The following NYAP2 variants were observed in gnomAD, a reference collection of about 807,000 sequenced individuals.
NYAP2 encodes the protein neuronal tyrosine-phosphorylated phosphoinositide-3-kinase adaptor 2.
Under a neutral mutation model 50.4 loss-of-function variants are expected in NYAP2, and 23 were observed. That is an observed-to-expected ratio of 0.46 (90% CI 0.33 to 0.65). The LOEUF is 0.65. Ranked by LOEUF, NYAP2 falls within the 30% of genes least tolerant of loss-of-function variation. The pLI is 0.02. For missense variants in NYAP2, 885 were observed against 861.0 expected (o/e 1.03, Z -0.35); for synonymous variants, 394 against 365.2 (o/e 1.08, Z -0.90).
intron 4 of NYAP2, among the ~76,000 whole-genome samples, chr2:225,556,070 C>T (rs866209323): frequency 2.0e-5 from 3 of 152,090 alleles, no homozygotes; most frequent in Non-Finnish European, 4.4e-5. Context: ...TCTATGAAGG[C>T]AGGAGTCTTT....
At chr2:225,550,757 A>G (rs1296519901) in intron 4 of NYAP2, among the ~76,000 whole-genome samples, 2 of 152,208 alleles carry the variant, frequency 1.3e-5, no homozygotes, top group Non-Finnish European at 2.9e-5. Flanking sequence ...AAAGCCCCTG[A>G]TAAGCTGTCA....
chr2:225,429,938 A>G lies in NYAP2; in HGVS notation c.221+20837A>G, dbSNP rs1234209096. Among the ~76,000 whole-genome samples, 3 of 152,308 alleles carry G rather than the reference A, an allele frequency of 2.0e-5. No homozygotes were observed. In the South Asian group the frequency reaches 6.2e-4, roughly 32 times the overall value. On this transcript the variant is annotated intron_variant, in intron 3 of 6. Transcript: ENST00000636099. Reference sequence around the variant, plus strand: ...AAGAGCTTCACGGGCTCTTAAGCAGACACACACACAGCCTCCTGGTCATGT... The same window carrying G: ...AAGAGCTTCACGGGCTCTTAAGCAGGCACACACACAGCCTCCTGGTCATGT...
intron 3 of NYAP2, among the ~76,000 whole-genome samples, chr2:225,415,356 T>C (rs1401229520): frequency 6.6e-6 from 1 of 152,212 alleles, no homozygotes; most frequent in Non-Finnish European, 1.5e-5. Flanking sequence ...ATATTTGTTT[T>C]TCCTTTACTA....
At chr2:225,492,457 G>A (rs75759302) in intron 3 of NYAP2, among the ~76,000 whole-genome samples, 2,026 of 152,166 alleles carry the variant, frequency 0.013, 57 homozygotes, top group African/African-American at 0.047. Flanking sequence ...TGCAAAACAG[G>A]GGCATGGTAA....
chr2:225,599,388 T>A (rs1420939037), intron 5 of NYAP2, among the ~76,000 whole-genome samples: 2 of 152,246 alleles, frequency 1.3e-5, no homozygotes, highest in Non-Finnish European at 2.9e-5. Context: ...ATATGTTGTA[T>A]GGCAAATCTT....
intron 5 of NYAP2, among the ~76,000 whole-genome samples, chr2:225,620,946 T>C (rs1352683744): frequency 1.3e-5 from 2 of 151,852 alleles, no homozygotes; most frequent in Non-Finnish European, 2.9e-5. Flanking sequence ...AAACCCCATC[T>C]CTACTGAAAA....
chr2:225,645,594 G>A lies in NYAP2; in HGVS notation c.1829-5838G>A, dbSNP rs116366791. ...ACAAGTGAGTCAACTTTTACTTCTG[G>A]GATGATACTAGAAGAGTTTTCAAAG... On this transcript the variant is annotated intron_variant, in intron 6 of 6. Coordinates refer to ENST00000636099, the Ensembl canonical transcript of NYAP2. 4.2e-3 allele frequency among the ~76,000 whole-genome samples: 643 copies of A among 151,970 alleles called. 6 individuals are homozygous for A. Among genetic ancestry groups the A allele is most frequent in the African/African-American group, 0.014 (574 of 41,448 alleles).
intron 5 of NYAP2, among the ~76,000 whole-genome samples, chr2:225,590,394 A>C (rs536328586): frequency 6.6e-6 from 1 of 152,330 alleles, no homozygotes; most frequent in East Asian, 1.9e-4. Context: ...TAGAAAGCTT[A>C]GGTGAGTGGT....
the NYAP2 span, among the ~76,000 whole-genome samples, chr2:225,678,009 A>G: frequency 6.6e-6 from 1 of 152,066 alleles, no homozygotes; most frequent in Non-Finnish European, 1.5e-5. Context: ...TTCTTTGTGC[A>G]TATGATAGAA....
rs79103635 is a variant in NYAP2, at chr2:225,597,074, C to T, written c.1618+14039C>T. ...TTATGGTATTTGTATCTGTGAAAAA[C>T]AAAACAAAACACAGGAGTCTAATGT... On this transcript the variant is annotated intron_variant, in intron 5 of 6. Transcript: ENST00000636099. 5.5e-3 allele frequency among the ~76,000 whole-genome samples: 837 copies of T among 152,112 alleles called. 10 individuals carry two copies. The highest frequency in any genetic ancestry group is 0.018 in the African/African-American group (760 of 41,492).
Position 225,522,892 on chromosome 2 carries a change from T to C in NYAP2, c.523+9220T>C, listed in dbSNP as rs139020589. ...TAAATGGTTTAACACATTTTAATAC[T>C]GTGCTTTTTCCTATAAAGAATATCT... On this transcript the variant is annotated intron_variant, in intron 4 of 6. Transcript: ENST00000636099. Among the ~76,000 whole-genome samples, 4 of 152,312 alleles carry C rather than the reference T, an allele frequency of 2.6e-5. No homozygotes were observed. The East Asian group carries it at 5.8e-4, about 22-fold the overall frequency.
At chr2:225,616,371 C>T (rs182845784) in intron 5 of NYAP2, among the ~76,000 whole-genome samples, 35 of 152,332 alleles carry the variant, frequency 2.3e-4, no homozygotes, top group Admixed American at 1.7e-3. Flanking sequence ...GGCACAGGGC[C>T]TTTGCCCTCT....
At chr2:225,495,585 G>T (rs939273140) in intron 3 of NYAP2, among the ~76,000 whole-genome samples, 5 of 152,100 alleles carry the variant, frequency 3.3e-5, no homozygotes, top group African/African-American at 1.2e-4. Context: ...AATGACTAGG[G>T]CCTAGCACAC....
exon 3 of NYAP2, chr2:225,408,948 T>C: frequency 1.2e-6 from 2 of 1,611,576 alleles, no homozygotes; most frequent in Non-Finnish European, 1.7e-6. Flanking sequence ...CTCCAGTACA[T>C]TGAGGATATG....
intron 4 of NYAP2, among the ~76,000 whole-genome samples, chr2:225,572,812 C>A (rs1379989338): frequency 6.6e-6 from 1 of 152,170 alleles, no homozygotes; most frequent in Admixed American, 6.5e-5. Flanking sequence ...TGACAGAGGA[C>A]CAGATCCCCT....
chr2:225,621,173 G>T (rs1364612605), intron 5 of NYAP2, among the ~76,000 whole-genome samples: 4 of 151,630 alleles, frequency 2.6e-5, no homozygotes, highest in Admixed American at 2.6e-4. Flanking sequence ...GGGTCGTTAG[G>T]CTTTGAGGCT....
At chr2:225,520,810 A>T (rs1310511127) in intron 4 of NYAP2, among the ~76,000 whole-genome samples, 2 of 152,194 alleles carry the variant, frequency 1.3e-5, no homozygotes, top group Non-Finnish European at 2.9e-5. Flanking sequence ...TTCTGTGAAG[A>T]AAGTCATTGG....
At chr2:225,690,968 A>G in the NYAP2 span, among the ~76,000 whole-genome samples, 4 of 152,172 alleles carry the variant, frequency 2.6e-5, no homozygotes, top group African/African-American at 4.8e-5. Flanking sequence ...CACGTTTAGG[A>G]AAGAGTGTGA....
intron 6 of NYAP2, among the ~76,000 whole-genome samples, chr2:225,643,587 C>T (rs1252963094): frequency 6.6e-5 from 9 of 135,638 alleles, no homozygotes; most frequent in South Asian, 5.4e-4. Flanking sequence ...AATGCTATCC[C>T]TCCCCCCTCC....
Sources: gnomAD v4.1 joint callset for allele counts (sites outside exome capture counted in the v4.1 genomes callset) on GRCh38, gnomAD v4.1.1 for gene constraint, MANE v1.5 for transcripts, NCBI Gene and HGNC (gene_info 2026-07-23, HGNC 2026-07-21) for gene names.